The following IRS2 variants were observed in gnomAD, a reference collection of about 807,000 sequenced individuals.
The protein encoded by IRS2 is insulin receptor substrate 2.
In IRS2, 28 loss-of-function variants were observed where a neutral mutation model predicts 70.9. The observed-to-expected ratio is 0.39, with a 90% CI of 0.29 to 0.54. IRS2 has a LOEUF of 0.54. IRS2 is among the 20% of genes least tolerant of loss of function. The pLI, the probability that IRS2 is intolerant of heterozygous loss-of-function variation, is 0.59. For synonymous variants in IRS2, 1,217 were observed against 981.9 expected (o/e 1.24, Z -4.48); for missense variants, 2,081 against 2,024.1 (o/e 1.03, Z -0.54).
At chr13:109,774,000 T>G (rs1877516143) in intron 1 of IRS2, among the ~76,000 whole-genome samples, 1 of 152,230 alleles carries the variant, frequency 6.6e-6, no homozygotes, top group Admixed American at 6.5e-5. Flanking sequence ...ACTCCGGACC[T>G]CACACAGCCT....
chr13:109,785,182 A>G lies in IRS2; in HGVS notation c.872T>C (p.Met291Thr). 1 of 1,602,406 alleles carries G rather than the reference A, an allele frequency of 6.2e-7. No individual in the cohort carries two copies. The highest frequency in any genetic ancestry group is 8.5e-7 in the Non-Finnish European group (1 of 1,175,284). Reference protein sequence around the residue: ...QNIHETILEAMKALKELFEFR... With the variant: ...QNIHETILEATKALKELFEFR... ...CTCGAAGAGCTCCTTGAGCGCCTTC[A>G]TGGCCTCCAGGATGGTCTCGTGGAT... Residue 291 changes from methionine (M) to threonine (T), a missense_variant, in exon 1 of 2, where the codon ATG (methionine) becomes ACG (threonine). Physicochemically the swap from Met to Thr is moderately conservative, Grantham distance 81 (BLOSUM62 -1). Transcript: ENST00000375856. The surrounding 1 kb of genome is among the most constrained non-coding windows in gnomAD (Gnocchi z 9.3).
intron 1 of IRS2, among the ~76,000 whole-genome samples, chr13:109,761,661 T>A (rs1331159574): frequency 1.3e-5 from 2 of 151,286 alleles, no homozygotes; most frequent in Non-Finnish European, 2.9e-5. Context: ...TTACTTGAAC[T>A]TTTCTTTTAA....
At position 109,784,467 on chromosome 13, in the gene IRS2, CG is replaced by C; in HGVS notation, c.1586del (p.Pro529ArgfsTer15). 1 of 1,581,142 alleles carries C rather than the reference CG, an allele frequency of 6.3e-7. No individual in the cohort carries two copies. On this transcript the variant is annotated frameshift_variant, in exon 1 of 2. Transcript: ENST00000375856. LOFTEE classifies it high-confidence loss of function. This position sits in a 1 kb window ranked among gnomAD's most constrained non-coding sequence, Gnocchi z 5.2. ...CACCGCCGCCGCCGCCGTCTCGGGC[CG>C]GGGGCGTCTCCGCGATGGACTCGGG... is the stretch of plus-strand genomic sequence containing the variant. Reference protein sequence around the residue: ...NTPESIAETPPARDGGGGGEF... With the variant: ...NTPESIAETPXARDGGGGGEF...
rs1027984211 is a variant in IRS2 at position 109,782,819 on chromosome 13, C to T, written c.3235G>A (p.Val1079Met). 12 of 1,590,352 alleles carry T rather than the reference C, an allele frequency of 7.5e-6. No individual in the cohort carries two copies. Among genetic ancestry groups the T allele is most frequent in the Non-Finnish European group, 1.0e-5 (12 of 1,169,832 alleles). The change falls in exon 1 of 2, where the codon GTG becomes ATG. Residue 1079 changes from valine to methionine, a missense_variant. Physicochemically the swap from Val to Met is conservative, Grantham distance 21 (BLOSUM62 1). Around this residue, in one of 4 missense-constraint regions of IRS2, gnomAD observed 1,615 missense variants for 1,459.5 expected, o/e 1.11. Transcript: ENST00000375856. Reference sequence around the variant, plus strand: ...ATAGGTTGCGGCGGGGTGGCGGCCACACCAAAAGCCATCTCGGTGTAGTCA... The same window carrying T: ...ATAGGTTGCGGCGGGGTGGCGGCCATACCAAAAGCCATCTCGGTGTAGTCA... ...NGDYTEMAFG[V>M]AATPPQPIAA...
Position 109,772,759 on chromosome 13 carries a change from G to A in IRS2, c.4012+9283C>T, listed in dbSNP as rs570421016. Among the ~76,000 whole-genome samples, 539 of 149,942 alleles carry A rather than the reference G, an allele frequency of 3.6e-3. 7 individuals are homozygous for A. The highest frequency in any genetic ancestry group is 8.2e-3 in the African/African-American group (335 of 40,618). On this transcript the variant is annotated intron_variant, in intron 1 of 1. Transcript: ENST00000375856. The stretch of plus-strand genomic sequence containing the variant: ...GCCGGACTGCGGACTGCAGTGGCGC[G>A]ATCTCGGCTCACTGCAAGCTCCGCT...
rs1340276451 is a variant in IRS2, at chr13:109,782,584, G to A, written c.3470C>T (p.Thr1157Met). ...GAAGGACGGGGACACGGGGGTGACCGTCGTGGTGGAGGAGAAGGTCTCGGA... is the reference window on the plus strand; with the variant it reads ...GAAGGACGGGGACACGGGGGTGACCATCGTGGTGGAGGAGAAGGTCTCGGA... ...HSSETFSSTT[T>M]VTPVSPSFAH... Residue 1157 changes from threonine to methionine, a missense_variant, in exon 1 of 2, where the codon ACG becomes ATG. Physicochemically the swap from Thr to Met is moderately conservative, Grantham distance 81. Transcript: ENST00000375856. 4.4e-6 allele frequency: 7 copies of A among 1,574,920 alleles called. No homozygotes were observed. The highest frequency in any genetic ancestry group is 2.3e-5 in the South Asian group (2 of 86,422).
At chr13:109,758,564 C>T (rs1048584473) in intron 1 of IRS2, among the ~76,000 whole-genome samples, 2 of 151,674 alleles carry the variant, frequency 1.3e-5, no homozygotes, top group Non-Finnish European at 2.9e-5. Context: ...TTTTAGGATG[C>T]TGTATCGCTG....
chr13:109,757,279 A>G (rs1877127854), intron 1 of IRS2, among the ~76,000 whole-genome samples: 1 of 152,160 alleles, frequency 6.6e-6, no homozygotes, highest in South Asian at 2.1e-4. Context: ...ACTCAGCAAC[A>G]TGAGGGTGAG....
At chr13:109,758,668 G>A (rs992467363) in intron 1 of IRS2, among the ~76,000 whole-genome samples, 9 of 152,044 alleles carry the variant, frequency 5.9e-5, no homozygotes, top group African/African-American at 1.7e-4. Flanking sequence ...TTATCAAAAC[G>A]TTAATTTCTA....
In IRS2 at chr13:109,753,693, T is replaced by G. The variant is rs1431643893; in HGVS notation, c.*2611A>C. ...TGTTATCTGGCAGGTATTTTTTGGC[T>G]TCCAGAATAAAAGTTTTAAAATTAA... On this transcript the variant is annotated 3_prime_UTR_variant, in exon 2 of 2. Transcript: ENST00000375856. 5.4e-6 allele frequency: 1 copy of G among 184,088 alleles called. No homozygotes were observed. Among genetic ancestry groups the G allele is most frequent in the Admixed American group, 6.2e-5 (1 of 16,018 alleles). 11.4% of individuals were successfully genotyped at this position (184,088 alleles called of 1,614,324 possible). A position where few individuals can be genotyped will look rare whatever the true frequency, so the allele number is the denominator to read the frequency against.
In IRS2 at chr13:109,785,431, C is replaced by G. The variant is rs1408133801; in HGVS notation, c.623G>C (p.Gly208Ala). The G allele has an allele frequency of 2.5e-6, 4 of 1,612,274 alleles. No homozygotes were observed. The highest frequency in any genetic ancestry group is 3.4e-6 in the Non-Finnish European group (4 of 1,179,814). ...WQVNLKPKGL[G>A]QSKNLTGVYR... ...CACCCCCGTCAGGTTCTTGCTCTGG[C>G]CCAGACCCTTGGGCTTCAGGTTCAC... Residue 208 changes from glycine to alanine, a missense_variant, in exon 1 of 2, where the codon GGC becomes GCC. Gly to Ala is a moderately conservative substitution (Grantham distance 60, BLOSUM62 0). Transcript: ENST00000375856. This position sits in a 1 kb window ranked among gnomAD's most constrained non-coding sequence, Gnocchi z 9.3.
At position 109,783,262 on chromosome 13, in the gene IRS2, A is replaced by G. The variant is rs866408698; in HGVS notation, c.2792T>C (p.Leu931Pro). The change falls in exon 1 of 2, where the codon CTG becomes CCG. Residue 931 changes from leucine to proline, a missense_variant. Coordinates refer to ENST00000375856, the MANE Select transcript of IRS2 (RefSeq NM_003749.3). Reference protein sequence around the residue: ...NIDFGEPGARLSPPAPPLLAS... With the variant: ...NIDFGEPGARPSPPAPPLLAS... Reference sequence around the variant, plus strand: ...CAGCAGGGGAGGCGCGGGCGGCGACAGGCGGGCCCCGGGCTCGCCAAAGTC... The same window carrying G: ...CAGCAGGGGAGGCGCGGGCGGCGACGGGCGGGCCCCGGGCTCGCCAAAGTC... 6.9e-7 allele frequency: 1 copy of G among 1,453,048 alleles called. No homozygotes were observed. Among genetic ancestry groups the G allele is most frequent in the Non-Finnish European group, 9.0e-7 (1 of 1,109,262 alleles). 90.0% of individuals were successfully genotyped at this position (1,453,048 alleles called of 1,614,324 possible). A position where few individuals can be genotyped will look rare whatever the true frequency, so the allele number is the denominator to read the frequency against.
Position 109,783,204 on chromosome 13 carries a change from G to A in IRS2, c.2850C>T (p.Ser950=), listed in dbSNP as rs34889228. Residue 950 remains serine (S), a synonymous_variant, in exon 1 of 2, where the codon TCC becomes TCT. Transcript: ENST00000375856. ...ASAASSSSLL[S]ASSPASSLGS... ...CCAGCGACGAGGCCGGGCTGCTGGC[G>A]GACAAGAGCGAGGAGGACGAGGCCG... 1 of 1,413,026 alleles carries A rather than the reference G, an allele frequency of 7.1e-7. No homozygotes were observed. Among genetic ancestry groups the A allele is most frequent in the East Asian group, 2.9e-5 (1 of 34,146 alleles). The allele number at this position is 1,413,026 out of a possible 1,614,324, so 87.5% of individuals were successfully genotyped here.
At chr13:109,768,061 A>ATGATT in intron 1 of IRS2, among the ~76,000 whole-genome samples, 1 of 152,134 alleles carries the variant, frequency 6.6e-6, no homozygotes, top group East Asian at 1.9e-4. Context: ...TTCTAGTTAC[A>ATGATT]TGATTTTGTA....
Position 109,783,263 on chromosome 13 carries a change from G to C in IRS2, c.2791C>G (p.Leu931Val). 6.2e-6 allele frequency: 9 copies of C among 1,446,990 alleles called. No individual in the cohort carries two copies. Among genetic ancestry groups the C allele is most frequent in the Non-Finnish European group, 8.1e-6 (9 of 1,104,478 alleles). 89.6% of individuals were successfully genotyped at this position (1,446,990 alleles called of 1,614,324 possible). A position where few individuals can be genotyped will look rare whatever the true frequency, so the allele number is the denominator to read the frequency against. ...NIDFGEPGAR[L>V]SPPAPPLLAS... ...AGCAGGGGAGGCGCGGGCGGCGACA[G>C]GCGGGCCCCGGGCTCGCCAAAGTCG... The change falls in exon 1 of 2, where the codon CTG becomes GTG. Residue 931 changes from leucine (L) to valine (V), a missense_variant. Physicochemically the swap from Leu to Val is conservative, Grantham distance 32. This residue lies in a region of IRS2 where 1,615 missense variants were observed against 1,459.5 expected (regional missense o/e 1.11). Transcript: ENST00000375856.
chr13:109,753,607 T>C lies in IRS2; in HGVS notation c.*2697A>G, dbSNP rs1877040815. 6.0e-6 allele frequency: 1 copy of C among 166,656 alleles called. No individual in the cohort carries two copies. Among genetic ancestry groups the C allele is most frequent in the African/African-American group, 2.4e-5 (1 of 41,940 alleles). The allele number at this position is 166,656 out of a possible 1,614,324, so 10.3% of individuals were successfully genotyped here. ...CATCCAGCACGTCATAAGGACTCTG[T>C]TTTGTAGAGTACATCGAATGTTCTG... On this transcript the variant is annotated 3_prime_UTR_variant, in exon 2 of 2. Coordinates refer to ENST00000375856, the MANE Select transcript of IRS2 (RefSeq NM_003749.3).
In IRS2 at chr13:109,785,940, G is replaced by C. The variant is rs1300939487; in HGVS notation, c.114C>G (p.Arg38=). The C allele has an allele frequency of 6.7e-7, 1 of 1,498,182 alleles. No individual in the cohort carries two copies. The highest frequency in any genetic ancestry group is 1.4e-5 in the African/African-American group (1 of 69,268). The allele number at this position is 1,498,182 out of a possible 1,614,324, so 92.8% of individuals were successfully genotyped here. ...AGCGCTTGTGGCCATGCTTCTGCTT[G>C]CGCAGGTAGCCGCACTTGCGCACGC... is the stretch of plus-strand genomic sequence containing the variant. ...NHSVRKCGYL[R]KQKHGHKRFF... The change falls in exon 1 of 2, where the codon CGC becomes CGG. Residue 38 remains arginine, a synonymous_variant. Transcript: ENST00000375856. This position sits in a 1 kb window ranked among gnomAD's most constrained non-coding sequence, Gnocchi z 9.3.
At chr13:109,780,186 G>A (rs557417595) in intron 1 of IRS2, among the ~76,000 whole-genome samples, 5 of 152,154 alleles carry the variant, frequency 3.3e-5, no homozygotes, top group South Asian at 2.1e-4. Context: ...AATCAGATTC[G>A]GGTAAGATGT....
Position 109,782,232 on chromosome 13 carries a change from C to T in IRS2, c.3822G>A (p.Pro1274=), listed in dbSNP as rs747377220. 6.3e-7 allele frequency: 1 copy of T among 1,595,200 alleles called. No individual in the cohort carries two copies. The highest frequency in any genetic ancestry group is 2.3e-5 in the East Asian group (1 of 44,172). ...LPPQPQPPPP[P]LPQPGDKSSW... ...AGCTCTTGTCTCCCGGCTGAGGAAG[C>T]GGCGGCGGCGGCGGCTGCGGCTGGG... is the stretch of plus-strand genomic sequence containing the variant. The change falls in exon 1 of 2, where the codon CCG becomes CCA. Residue 1274 remains proline (P), a synonymous_variant. Coordinates refer to ENST00000375856, the MANE Select transcript of IRS2 (RefSeq NM_003749.3).
Sources: gnomAD v4.1 joint callset for allele counts (sites outside exome capture counted in the v4.1 genomes callset) on GRCh38, gnomAD v4.1.1 for gene constraint, gnomAD v4.1.1 regional missense constraint, Gnocchi (gnomAD v3.1) non-coding constraint, MANE v1.5 for transcripts, NCBI Gene and HGNC (gene_info 2026-07-23, HGNC 2026-07-21) for gene names.